The following BMPR1B variants were observed in gnomAD, a reference collection of about 807,000 sequenced individuals.
BMPR1B encodes bone morphogenetic protein receptor type 1B, also known as bone morphogenetic protein receptor type-1B.
Under a neutral mutation model 59.1 loss-of-function variants are expected in BMPR1B, and 12 were observed. The observed-to-expected ratio is 0.20, with a 90% CI of 0.13 to 0.33. The LOEUF (loss-of-function observed/expected upper bound fraction) is 0.33. Among genes scored for constraint, BMPR1B ranks in the 10% least tolerant of loss-of-function variants. The pLI is 1.00. For synonymous variants in BMPR1B, 237 were observed against 207.3 expected (o/e 1.14, Z -1.23); for missense variants, 550 against 610.9 (o/e 0.90, Z 1.05).
chr4:95,064,342 G>C (rs1449187987), intron 3 of BMPR1B, among the ~76,000 whole-genome samples: 1 of 152,198 alleles, frequency 6.6e-6, no homozygotes, highest in Non-Finnish European at 1.5e-5. Context: ...TGTGCCTCCT[G>C]TCAGATCAGT....
intron 2 of BMPR1B, among the ~76,000 whole-genome samples, chr4:94,926,092 C>T (rs1363783051): frequency 7.8e-6 from 1 of 127,688 alleles, no homozygotes; most frequent in African/African-American, 2.9e-5. Flanking sequence ...CCCCTTCTCT[C>T]CCTTCCTTTC....
At chr4:94,980,252 T>A (rs1318536135) in intron 2 of BMPR1B, among the ~76,000 whole-genome samples, 1 of 152,176 alleles carries the variant, frequency 6.6e-6, no homozygotes, top group East Asian at 1.9e-4. Context: ...TTAACTATAG[T>A]TTGAATGATT....
chr4:95,000,351 G>C (rs1376896406), intron 3 of BMPR1B, among the ~76,000 whole-genome samples: 1 of 152,006 alleles, frequency 6.6e-6, no homozygotes, highest in East Asian at 1.9e-4. Context: ...CTTTTTTTCA[G>C]ATATAGTTTG....
At chr4:95,089,164 C>G (rs1729803217) in intron 3 of BMPR1B, among the ~76,000 whole-genome samples, 1 of 152,128 alleles carries the variant, frequency 6.6e-6, no homozygotes, top group Non-Finnish European at 1.5e-5. Context: ...ATATATCCAA[C>G]TTCTTAAAAA....
chr4:94,894,643 A>G (rs1422476942), intron 2 of BMPR1B, among the ~76,000 whole-genome samples: 1 of 151,990 alleles, frequency 6.6e-6, no homozygotes, highest in Non-Finnish European at 1.5e-5. Flanking sequence ...GGTTTAAAAG[A>G]TATTTGTAAA....
At chr4:94,919,595 T>C (rs1326965824) in intron 2 of BMPR1B, among the ~76,000 whole-genome samples, 1 of 151,982 alleles carries the variant, frequency 6.6e-6, no homozygotes, top group Non-Finnish European at 1.5e-5. Flanking sequence ...GTTTGAGAAG[T>C]CACTAAAACT....
chr4:94,891,196 C>CT (rs1215863005), intron 2 of BMPR1B, among the ~76,000 whole-genome samples: 4 of 151,984 alleles, frequency 2.6e-5, no homozygotes, highest in Non-Finnish European at 5.9e-5. Flanking sequence ...TGTTTGGTAA[C>CT]TTAAACACTT....
rs60404669 is a variant in BMPR1B, at chr4:95,053,281, T to TTGTGTGTGTGTGTGTGTG, written c.-17-51102_-17-51085dup. Among the ~76,000 whole-genome samples, 467 of 134,312 alleles carry TTGTGTGTGTGTGTGTGTG rather than the reference T, an allele frequency of 3.5e-3. 4 individuals carry two copies. The highest frequency in any genetic ancestry group is 5.7e-3 in the South Asian group (22 of 3,874). 88.1% of individuals were successfully genotyped at this position (134,312 alleles called of 152,430 possible). On this transcript the variant is annotated intron_variant, in intron 3 of 12. Transcript: ENST00000515059. Reference sequence around the variant, plus strand: ...TTAAAAAGCTCCCTTTGCAGGGCACTTGTGTGTGTGTGTGTGTGTGTGTGT... The same window carrying TTGTGTGTGTGTGTGTGTG: ...TTAAAAAGCTCCCTTTGCAGGGCACTTGTGTGTGTGTGTGTGTGTGTGTGTGTGTGTGTGTGTGTGTGT...
intron 1 of BMPR1B, among the ~76,000 whole-genome samples, chr4:94,773,570 G>A (rs1411884021): frequency 6.6e-6 from 1 of 151,906 alleles, no homozygotes; most frequent in African/African-American, 2.4e-5. Flanking sequence ...TCTTTTCTTA[G>A]AATTATTTGC....
intron 3 of BMPR1B, among the ~76,000 whole-genome samples, chr4:95,029,459 C>T (rs570729221): frequency 1.3e-5 from 2 of 151,924 alleles, no homozygotes; most frequent in Non-Finnish European, 2.9e-5. Flanking sequence ...AGTATTCCAT[C>T]GTGTATATGT....
At chr4:94,758,574 C>G (rs1168078084) in intron 1 of BMPR1B, among the ~76,000 whole-genome samples, 5 of 152,112 alleles carry the variant, frequency 3.3e-5, no homozygotes, top group African/African-American at 1.2e-4. Flanking sequence ...AGGCACCCAC[C>G]TGCCCCGGAC....
At chr4:94,830,543 A>G (rs1015085764) in intron 1 of BMPR1B, among the ~76,000 whole-genome samples, 2 of 152,170 alleles carry the variant, frequency 1.3e-5, no homozygotes, top group African/African-American at 2.4e-5. Flanking sequence ...AACTCCTTCA[A>G]GCATTGCTAT....
In BMPR1B at chr4:95,106,442, G is replaced by A. The variant is rs370333013; in HGVS notation, c.143+1875G>A. On this transcript the variant is annotated intron_variant, in intron 4 of 12. Coordinates refer to ENST00000515059, the MANE Select transcript of BMPR1B (RefSeq NM_001203.3). ...TGTGCAAGAAAATGATCTTGAGCTA[G>A]GGTGGTGCTGGTGTAGGAGTGAGTG... Among the ~76,000 whole-genome samples, 8 of 152,180 alleles carry A rather than the reference G, an allele frequency of 5.3e-5. No individual in the cohort carries two copies. In the South Asian group the frequency reaches 1.0e-3, roughly 20 times the overall value.
intron 2 of BMPR1B, among the ~76,000 whole-genome samples, chr4:94,934,747 A>T (rs1487421131): frequency 6.6e-6 from 1 of 152,122 alleles, no homozygotes; most frequent in African/African-American, 2.4e-5. Context: ...CCTGCAAAAT[A>T]GGTTTTAAAA....
intron 3 of BMPR1B, among the ~76,000 whole-genome samples, chr4:95,070,341 G>A (rs530156453): frequency 6.6e-6 from 1 of 152,248 alleles, no homozygotes; most frequent in African/African-American, 2.4e-5. Context: ...GATGGATTGG[G>A]CATAGCGAAT....
intron 3 of BMPR1B, among the ~76,000 whole-genome samples, chr4:95,013,779 CTTA>C (rs1454488435): frequency 2.0e-5 from 3 of 152,110 alleles, no homozygotes; most frequent in African/African-American, 7.2e-5. Context: ...TATTATACTA[CTTA>C]TTATATGTTT....
chr4:94,793,482 G>T (rs1487099516), intron 1 of BMPR1B, among the ~76,000 whole-genome samples: 2 of 150,698 alleles, frequency 1.3e-5, no homozygotes, highest in Admixed American at 6.6e-5. Context: ...AAACATACGG[G>T]TGCATGTGTC....
intron 3 of BMPR1B, among the ~76,000 whole-genome samples, chr4:95,083,087 A>G (rs1401497285): frequency 3.3e-5 from 5 of 151,604 alleles, no homozygotes; most frequent in Non-Finnish European, 7.4e-5. Flanking sequence ...GAAGTACAAG[A>G]GAGGTTAGAG....
intron 3 of BMPR1B, among the ~76,000 whole-genome samples, chr4:95,068,555 ATACTCAT>A: frequency 6.6e-6 from 1 of 152,142 alleles, no homozygotes; most frequent in Non-Finnish European, 1.5e-5. Flanking sequence ...CAACCATTCT[ATACTCAT>A]GTATAACCTG....
Sources: allele counts gnomAD v4.1 joint callset (sites outside exome capture counted in the v4.1 genomes callset), GRCh38; gene constraint gnomAD v4.1.1; transcripts MANE v1.5; gene names NCBI Gene and HGNC (gene_info 2026-07-23, HGNC 2026-07-21).